PATJ: variants seen among roughly 807,000 people sequenced by gnomAD.
PATJ encodes PATJ crumbs cell polarity complex component, also known as inaD-like protein.
A neutral mutation model predicts 224.9 loss-of-function variants in PATJ; 190 were observed. The ratio of observed to expected loss-of-function variants is 0.84; its 90% CI spans 0.75 to 0.95. The LOEUF (loss-of-function observed/expected upper bound fraction) is 0.95. PATJ is among the 40% of genes least tolerant of loss of function. The pLI is 0.00. For missense variants in PATJ, 2,121 were observed against 2,270.3 expected (o/e 0.93, Z 1.34); for synonymous variants, 769 against 820.3 (o/e 0.94, Z 1.07).
intron 1 of PATJ, among the ~76,000 whole-genome samples, chr1:61,751,767 A>G (rs1645343747): frequency 6.6e-6 from 1 of 152,016 alleles, no homozygotes; most frequent in Admixed American, 6.6e-5. Flanking sequence ...TGGAGGTTGC[A>G]GTGAGCCAAG....
chr1:62,119,795 T>C (rs1664847496), intron 37 of PATJ, among the ~76,000 whole-genome samples: 1 of 151,970 alleles, frequency 6.6e-6, no homozygotes, highest in African/African-American at 2.4e-5. Context: ...AATACAAAAA[T>C]TAGCTGGGCA....
rs557254568 is a variant in PATJ at position 61,892,637 on chromosome 1, G to A, written c.3132-6946G>A. ...TATAAATCTCTGGTTGAATTTAAGA[G>A]GCAAAAGTTCAGTTCATTTTTAAGA... On this transcript the variant is annotated intron_variant, in intron 22 of 43. Transcript: ENST00000642238. Among the ~76,000 whole-genome samples, 108 of 152,234 alleles carry A rather than the reference G, an allele frequency of 7.1e-4. 6 individuals carry two copies. The South Asian group carries it at 0.022, about 31-fold the overall frequency.
chr1:61,748,249 T>C (rs1446134375), intron 1 of PATJ, among the ~76,000 whole-genome samples: 1 of 121,732 alleles, frequency 8.2e-6, no homozygotes. Flanking sequence ...TTAATGCCTT[T>C]TTTTTTTTTT....
At chr1:62,151,347 G>A (rs967590630) in intron 42 of PATJ, among the ~76,000 whole-genome samples, 1 of 152,062 alleles carries the variant, frequency 6.6e-6, no homozygotes, top group Non-Finnish European at 1.5e-5. Flanking sequence ...CCAGCACTTT[G>A]GGAGGCTGAG....
At chr1:61,995,833 G>A (rs929250014) in intron 28 of PATJ, among the ~76,000 whole-genome samples, 6 of 152,222 alleles carry the variant, frequency 3.9e-5, no homozygotes, top group Non-Finnish European at 5.9e-5. Context: ...ACAGGCCTGA[G>A]CATGGGGCTG....
intron 35 of PATJ, 67 bp from the exon 36 acceptor site, chr1:62,116,465 A>G (rs1433920147): frequency 6.4e-7 from 1 of 1,557,318 alleles, no homozygotes; most frequent in Admixed American, 1.8e-5. Flanking sequence ...ATCCTGTCAC[A>G]CACACACGTA....
intron 27 of PATJ, among the ~76,000 whole-genome samples, chr1:61,986,326 G>A (rs12746805): frequency 0.27 from 41,114 of 151,934 alleles, 5,968 homozygotes; most frequent in East Asian, 0.45. Flanking sequence ...ATTTTAAAAT[G>A]TACCAACTTA....
chr1:61,903,775 CTTTT>C (rs11331898), intron 24 of PATJ, among the ~76,000 whole-genome samples: 3 of 131,616 alleles, frequency 2.3e-5, no homozygotes, highest in Non-Finnish European at 3.3e-5. Context: ...TGGTACTTTG[CTTTT>C]TTTTTTTTTT....
At chr1:62,102,917 T>C (rs1338630025) in intron 33 of PATJ, among the ~76,000 whole-genome samples, 1 of 148,376 alleles carries the variant, frequency 6.7e-6, no homozygotes, top group Admixed American at 6.7e-5. Flanking sequence ...CTGTTGGAGA[T>C]TGGGAGGGGG....
intron 31 of PATJ, among the ~76,000 whole-genome samples, chr1:62,066,367 A>G (rs1007745454): frequency 6.6e-6 from 1 of 151,858 alleles, no homozygotes; most frequent in Non-Finnish European, 1.5e-5. Context: ...ATTGAAGGAC[A>G]AGGTAACGTG....
rs79977507 is a variant in PATJ, at chr1:61,963,306, G to A, written c.3671-26862G>A. ...AAGCTAGAGAAAAGAAAATATTAAG[G>A]AAACCAGCCTGGGCGTGGTGGCTCA... On this transcript the variant is annotated intron_variant, in intron 27 of 43. Transcript: ENST00000642238. Among the ~76,000 whole-genome samples, 1,373 of 152,132 alleles carry A rather than the reference G, an allele frequency of 9.0e-3. 15 individuals are homozygous for A. Among genetic ancestry groups the A allele is most frequent in the Middle Eastern group, 0.034 (10 of 294 alleles).
intron 20 of PATJ, among the ~76,000 whole-genome samples, chr1:61,871,405 A>G (rs867791768): frequency 1.7e-4 from 18 of 108,550 alleles, no homozygotes; most frequent in African/African-American, 4.9e-4. Context: ...ATATATGTGT[A>G]TATATATACA....
At chr1:61,984,616 G>A (rs898140294) in intron 27 of PATJ, among the ~76,000 whole-genome samples, 1 of 152,048 alleles carries the variant, frequency 6.6e-6, no homozygotes, top group Non-Finnish European at 1.5e-5. Context: ...GGCAAATAAA[G>A]TCAGAACAAG....
chr1:61,755,859 T>C (rs1247970900), intron 1 of PATJ, among the ~76,000 whole-genome samples: 1 of 152,212 alleles, frequency 6.6e-6, no homozygotes, highest in African/African-American at 2.4e-5. Context: ...TGGAGCGCAG[T>C]GGCATGATCT....
chr1:61,855,922 CAT>C, intron 17 of PATJ, 106 bp from the exon 18 acceptor site: 1 of 753,068 alleles, frequency 1.3e-6, no homozygotes, highest in Non-Finnish European at 2.3e-6. Flanking sequence ...GTGCCAGACA[CAT>C]GAAGTAAGTG....
intron 27 of PATJ, among the ~76,000 whole-genome samples, chr1:61,954,400 AAC>A (rs1557936773): frequency 1.3e-5 from 2 of 152,160 alleles, no homozygotes; most frequent in Non-Finnish European, 2.9e-5. Flanking sequence ...CTTGCTTGGA[AAC>A]ACATTATTTT....
chr1:61,985,173 G>A (rs535388296), intron 27 of PATJ, among the ~76,000 whole-genome samples: 8 of 152,166 alleles, frequency 5.3e-5, no homozygotes, highest in South Asian at 2.1e-4. Context: ...TTAGCTGGGC[G>A]CGGTGGCGCA....
At chr1:62,127,495 C>A (rs866315585) in intron 39 of PATJ, among the ~76,000 whole-genome samples, 1 of 151,558 alleles carries the variant, frequency 6.6e-6, no homozygotes, top group African/African-American at 2.4e-5. Flanking sequence ...TCCCCCAAGA[C>A]CCCACAGCTA....
intron 14 of PATJ, among the ~76,000 whole-genome samples, chr1:61,819,199 C>T (rs1475794197): frequency 3.9e-5 from 6 of 152,156 alleles, no homozygotes; most frequent in African/African-American, 1.4e-4. Flanking sequence ...CCAAAATGAC[C>T]TCCACTAGTG....
Sources: gnomAD v4.1 joint callset for allele counts (sites outside exome capture counted in the v4.1 genomes callset) on GRCh38, gnomAD v4.1.1 for gene constraint, MANE v1.5 for transcripts, NCBI Gene and HGNC (gene_info 2026-07-23, HGNC 2026-07-21) for gene names.